The following SCGN variants were observed in gnomAD, a reference collection of about 807,000 sequenced individuals.
The protein encoded by SCGN is secretagogin, EF-hand calcium binding protein.
SCGN carries 30 observed loss-of-function variants against 39.7 expected under a neutral mutation model. The ratio of observed to expected loss-of-function variants is 0.76; its 90% CI spans 0.57 to 1.03. SCGN has a LOEUF of 1.03. SCGN is among the 50% of genes least tolerant of loss of function. SCGN has a pLI of 0.00. For synonymous variants in SCGN, 106 were observed against 114.1 expected, an observed-to-expected ratio of 0.93 and a Z score of 0.45; for missense variants, 353 against 349.4, an observed-to-expected ratio of 1.01 and a Z score of -0.08.
chr6:25,686,070 C>T (rs1759702064), intron 7 of SCGN, among the ~76,000 whole-genome samples: 1 of 152,060 alleles, frequency 6.6e-6, no homozygotes, highest in African/African-American at 2.4e-5. Context: ...TAACTTTATC[C>T]CTTTTTATGG....
chr6:25,665,635 C>G (rs1324258919), intron 4 of SCGN, among the ~76,000 whole-genome samples: 1 of 152,130 alleles, frequency 6.6e-6, no homozygotes, highest in African/African-American at 2.4e-5. Context: ...TGAAAAACAA[C>G]CAGGGAAGGG....
chr6:25,683,289 C>T (rs1211343159), intron 7 of SCGN, among the ~76,000 whole-genome samples: 2 of 152,166 alleles, frequency 1.3e-5, no homozygotes, highest in Non-Finnish European at 1.5e-5. Flanking sequence ...TGTGAAAGAG[C>T]CAATCCCAAA....
rs140049141 is a variant in SCGN at position 25,683,446 on chromosome 6, G to C, written c.527+1440G>C. On this transcript the variant is annotated intron_variant, in intron 7 of 10. Transcript: ENST00000377961. ...GAGGTAGTGAGAGTTGAGGAGCCCT[G>C]TGTGCCCTGGGAGGCTGGGGTAATA... 6.8e-4 allele frequency among the ~76,000 whole-genome samples: 103 copies of C among 152,314 alleles called. 2 individuals carry two copies. The East Asian group carries it at 0.018, about 27-fold the overall frequency.
intron 10 of SCGN, among the ~76,000 whole-genome samples, chr6:25,698,172 CAT>C (rs1170705230): frequency 6.6e-6 from 1 of 152,178 alleles, no homozygotes; most frequent in Non-Finnish European, 1.5e-5. Context: ...TCTCCTGACT[CAT>C]ATTGAGTTGC....
intron 6 of SCGN, chr6:25,678,985 G>C (rs1759601333): frequency 6.6e-6 from 1 of 151,926 alleles, no homozygotes; most frequent in African/African-American, 2.4e-5. Context: ...AAAAGAGCAT[G>C]ACCAAGTTCC....
At chr6:25,657,189 T>A (rs1442781403) in intron 2 of SCGN, among the ~76,000 whole-genome samples, 1 of 152,118 alleles carries the variant, frequency 6.6e-6, no homozygotes, top group African/African-American at 2.4e-5. Flanking sequence ...ACCTGGAGTC[T>A]CAAAGAACCT....
At chr6:25,698,607 C>A (rs1346885755) in intron 10 of SCGN, among the ~76,000 whole-genome samples, 1 of 152,236 alleles carries the variant, frequency 6.6e-6, no homozygotes, top group Non-Finnish European at 1.5e-5. Flanking sequence ...TCTCAGAATG[C>A]AGCCTGCTGT....
At chr6:25,657,520 G>A (rs1028012515) in intron 2 of SCGN, among the ~76,000 whole-genome samples, 3 of 152,114 alleles carry the variant, frequency 2.0e-5, no homozygotes, top group Non-Finnish European at 2.9e-5. Flanking sequence ...TTATGCTGAC[G>A]CAATATCTTC....
At position 25,701,254 on chromosome 6, in the gene SCGN, G is replaced by C. The variant is rs1759908436; in HGVS notation, c.750G>C (p.Leu250=). ...VDLDKFREIL[L]RHCDVNKDGK... ...TTGATAAGTTCCGCGAGATTCTCCT[G>C]CGTCACTGCGACGTGAACAAGGATG... The change falls in exon 11 of 11, where the codon CTG becomes CTC. Residue 250 remains leucine (L), a synonymous_variant. Coordinates refer to ENST00000377961, the MANE Select transcript of SCGN (RefSeq NM_006998.4). 1 of 1,613,652 alleles carries C rather than the reference G, an allele frequency of 6.2e-7. No individual in the cohort carries two copies. The highest frequency in any genetic ancestry group is 1.7e-4 in the Middle Eastern group (1 of 6,060).
chr6:25,659,869 T>C (rs1188380967), intron 2 of SCGN, among the ~76,000 whole-genome samples: 1 of 152,154 alleles, frequency 6.6e-6, no homozygotes, highest in African/African-American at 2.4e-5. Context: ...CTTTGCCATA[T>C]GCAAGAGGTC....
rs76844244 is a variant in SCGN, at chr6:25,668,007, A to T, written c.337-1504A>T. On this transcript the variant is annotated intron_variant, in intron 4 of 10. Coordinates refer to ENST00000377961, the MANE Select transcript of SCGN (RefSeq NM_006998.4). The stretch of plus-strand genomic sequence containing the variant: ...TTTTGTAACTGGACTAAATTCAGAC[A>T]TAAATGACAGGTTCTGGAAGGAGTG... 9.0e-3 allele frequency among the ~76,000 whole-genome samples: 1,370 copies of T among 152,370 alleles called. 17 individuals carry two copies. Among genetic ancestry groups the T allele is most frequent in the African/African-American group, 0.03 (1,238 of 41,584 alleles).
At chr6:25,672,271 T>C (rs1759509881) in intron 6 of SCGN, among the ~76,000 whole-genome samples, 1 of 152,234 alleles carries the variant, frequency 6.6e-6, no homozygotes, top group Non-Finnish European at 1.5e-5. Context: ...AGCATTATTC[T>C]AGTCACCAGG....
chr6:25,663,199 A>G (rs530345047), intron 3 of SCGN, among the ~76,000 whole-genome samples: 3 of 152,168 alleles, frequency 2.0e-5, no homozygotes, highest in Non-Finnish European at 4.4e-5. Context: ...TTGCTGTACC[A>G]TTGACCATTT....
At chr6:25,655,599 G>A (rs1227288915) in intron 2 of SCGN, among the ~76,000 whole-genome samples, 2 of 152,268 alleles carry the variant, frequency 1.3e-5, no homozygotes, top group African/African-American at 2.4e-5. Context: ...AGGCTGGAAC[G>A]GGGGTTGGAA....
At chr6:25,673,503 G>A (rs900313184) in intron 6 of SCGN, among the ~76,000 whole-genome samples, 6 of 152,136 alleles carry the variant, frequency 3.9e-5, no homozygotes, top group East Asian at 1.9e-4. Context: ...AAGAAATTTC[G>A]ATAGTATGCA....
intron 2 of SCGN, 45 bp downstream of exon 2, chr6:25,653,497 A>G (rs373990531): frequency 2.0e-5 from 27 of 1,377,202 alleles, no homozygotes; most frequent in Non-Finnish European, 2.8e-5. Flanking sequence ...TCTTAGTAAG[A>G]TACGCACATC....
Position 25,698,029 on chromosome 6 carries a change from G to A in SCGN, c.703-3178G>A, listed in dbSNP as rs1022042453. ...GAAGATTAGAGTTAATATATTTAGA[G>A]CTCTTACCTCAGGAACCTATCTGCA... On this transcript the variant is annotated intron_variant, in intron 10 of 10. Coordinates refer to ENST00000377961, the MANE Select transcript of SCGN (RefSeq NM_006998.4). 7.2e-5 allele frequency among the ~76,000 whole-genome samples: 11 copies of A among 152,294 alleles called. No individual in the cohort carries two copies. The South Asian group carries it at 8.3e-4, about 11-fold the overall frequency.
At chr6:25,660,865 T>C (rs557202115) in intron 2 of SCGN, among the ~76,000 whole-genome samples, 1 of 152,234 alleles carries the variant, frequency 6.6e-6, no homozygotes, top group Non-Finnish European at 1.5e-5. Context: ...AAGTCTAGAA[T>C]CTTACAATTG....
At chr6:25,679,462 G>C (rs774817661) in intron 6 of SCGN, among the ~76,000 whole-genome samples, 9 of 148,276 alleles carry the variant, frequency 6.1e-5, no homozygotes, top group Non-Finnish European at 1.2e-4. Flanking sequence ...TGCAGCTTCA[G>C]GGCACGGAGC....
Sources: gnomAD v4.1 joint callset for allele counts (sites outside exome capture counted in the v4.1 genomes callset) on GRCh38, gnomAD v4.1.1 for gene constraint, MANE v1.5 for transcripts, NCBI Gene and HGNC (gene_info 2026-07-23, HGNC 2026-07-21) for gene names.